The following CFAP100 variants were observed in gnomAD, a reference collection of about 807,000 sequenced individuals.
CFAP100 encodes the protein cilia and flagella associated protein 100, also known as cilia- and flagella-associated protein 100.
A neutral mutation model predicts 81.5 loss-of-function variants in CFAP100; 70 were observed. The observed-to-expected ratio is 0.86, with a 90% CI of 0.71 to 1.05. The LOEUF (loss-of-function observed/expected upper bound fraction) is 1.05. Ranked by LOEUF, CFAP100 falls within the 50% of genes least tolerant of loss-of-function variation. The pLI, the probability that CFAP100 is intolerant of heterozygous loss-of-function variation, is 0.00. For missense variants in CFAP100, 811 were observed against 776.5 expected (o/e 1.04, Z -0.53); for synonymous variants, 341 against 314.8 (o/e 1.08, Z -0.88).
chr3:126,411,042 TCTCA>T (rs2083145147), intron 3 of CFAP100, among the ~76,000 whole-genome samples: 1 of 152,262 alleles, frequency 6.6e-6, no homozygotes, highest in Non-Finnish European at 1.5e-5. Flanking sequence ...GGCTCAAGCC[TCTCA>T]CTCTGTCTTC....
At chr3:126,395,142 A>G (rs2082867664) in intron 1 of CFAP100, among the ~76,000 whole-genome samples, 164 bp downstream of exon 1, 1 of 152,074 alleles carries the variant, frequency 6.6e-6, no homozygotes, top group Non-Finnish European at 1.5e-5. Context: ...CTTGCTTGAA[A>G]CACACCCATC....
At chr3:126,400,091 T>C (rs75039995) in intron 2 of CFAP100, among the ~76,000 whole-genome samples, 11,415 of 152,270 alleles carry the variant, frequency 0.075, 488 homozygotes, top group South Asian at 0.097. Flanking sequence ...TAGACTTTTA[T>C]CTGACATTAG....
intron 5 of CFAP100, chr3:126,416,770 A>C (rs1485103964): frequency 2.6e-6 from 1 of 382,724 alleles, no homozygotes; most frequent in Non-Finnish European, 4.6e-6. Flanking sequence ...CCTTGGCTTC[A>C]GTTGCCGGAG....
intron 3 of CFAP100, among the ~76,000 whole-genome samples, chr3:126,410,490 C>T (rs938744041): frequency 6.6e-6 from 1 of 152,144 alleles, no homozygotes; most frequent in African/African-American, 2.4e-5. Flanking sequence ...GATCCTTATA[C>T]CTTTTCTGCC....
At chr3:126,436,142 G>T in intron 16 of CFAP100, 149 bp from the exon 17 acceptor site, 1 of 607,086 alleles carries the variant, frequency 1.6e-6, no homozygotes. Context: ...AGTTATTTCA[G>T]AGTTAACTCC....
intron 11 of CFAP100, 41 bp from the exon 12 acceptor site, chr3:126,423,284 C>G: frequency 6.3e-7 from 1 of 1,578,870 alleles, no homozygotes; most frequent in Non-Finnish European, 8.6e-7. Context: ...CCTGTCTGCT[C>G]AGGCTGGTCC....
At chr3:126,406,187 C>T (rs2083060468) in intron 2 of CFAP100, among the ~76,000 whole-genome samples, 1 of 152,158 alleles carries the variant, frequency 6.6e-6, no homozygotes, top group Admixed American at 6.5e-5. Context: ...CTGTGTGGCC[C>T]CGAAGGCCTC....
At chr3:126,411,049 C>T (rs2083145271) in intron 3 of CFAP100, among the ~76,000 whole-genome samples, 1 of 152,246 alleles carries the variant, frequency 6.6e-6, no homozygotes, top group Non-Finnish European at 1.5e-5. Context: ...GCCTCTCACT[C>T]TGTCTTCGAA....
At position 126,433,195 on chromosome 3, in the gene CFAP100, C is replaced by T. The variant is rs201544488; in HGVS notation, c.1413C>T (p.Gly471=). The change falls in exon 14 of 17, where the codon GGC becomes GGT. Residue 471 remains glycine, a synonymous_variant. Transcript: ENST00000352312. ...ARVFHFGEYK[G]DQQDKLLESL... ...TCTTCCACTTCGGCGAGTACAAGGG[C>T]GATCAGCAGGTAGGCTGGGGATCAA... The T allele has an allele frequency of 9.3e-6, 15 of 1,613,988 alleles. No homozygotes were observed. The highest frequency in any genetic ancestry group is 4.5e-5 in the East Asian group (2 of 44,874).
At chr3:126,435,705 T>A (rs1204902287) in intron 16 of CFAP100, 53 bp downstream of exon 16, 2 of 1,449,542 alleles carry the variant, frequency 1.4e-6, no homozygotes, top group Non-Finnish European at 1.9e-6. Flanking sequence ...CAAGACAGCA[T>A]GGCAGCTGAG....
intron 15 of CFAP100, 48 bp downstream of exon 15, chr3:126,434,429 G>T (rs1933364430): frequency 1.9e-6 from 3 of 1,564,940 alleles, no homozygotes; most frequent in Non-Finnish European, 2.6e-6. Context: ...GGCTGGCCCT[G>T]AGGGCAGAGG....
intron 4 of CFAP100, chr3:126,414,467 C>T: frequency 1.6e-6 from 1 of 614,132 alleles, no homozygotes; most frequent in Non-Finnish European, 2.9e-6. Context: ...GCCGCCACTT[C>T]CACTGCTGCC....
intron 13 of CFAP100, among the ~76,000 whole-genome samples, chr3:126,423,857 G>A (rs114672366): frequency 0.034 from 5,145 of 152,308 alleles, 98 homozygotes; most frequent in Middle Eastern, 0.048. Context: ...CCAGGCACCC[G>A]TGCCCACCCT....
rs759016967 is a variant in CFAP100, at chr3:126,395,966, G to A, written c.-35G>A. 6.3e-7 allele frequency: 1 copy of A among 1,585,052 alleles called. No homozygotes were observed. The highest frequency in any genetic ancestry group is 2.2e-5 in the East Asian group (1 of 44,732). ...GGTGAGGATCTCCTTTAGAAGAGGA[G>A]AAGCCTTGCATCAACCTCTTGGGCC... On this transcript the variant is annotated 5_prime_UTR_variant, in exon 2 of 17. Transcript: ENST00000352312.
chr3:126,426,317 G>C (rs1016311517), intron 13 of CFAP100, among the ~76,000 whole-genome samples: 1 of 152,086 alleles, frequency 6.6e-6, no homozygotes, highest in African/African-American at 2.4e-5. Context: ...AAAAAACTTA[G>C]CTAGGCATGG....
chr3:126,405,301 G>A (rs1432944880), intron 2 of CFAP100, among the ~76,000 whole-genome samples: 1 of 152,198 alleles, frequency 6.6e-6, no homozygotes, highest in Non-Finnish European at 1.5e-5. Context: ...GTGTAAGCAG[G>A]TGAGCTTTTT....
At chr3:126,421,165 G>A (rs956810273) in intron 11 of CFAP100, among the ~76,000 whole-genome samples, 1 of 152,078 alleles carries the variant, frequency 6.6e-6, no homozygotes, top group African/African-American at 2.4e-5. Flanking sequence ...ACCACACCCG[G>A]CTAATTTTTT....
intron 2 of CFAP100, among the ~76,000 whole-genome samples, chr3:126,398,799 C>T (rs1311164259): frequency 6.6e-6 from 1 of 152,246 alleles, no homozygotes; most frequent in Admixed American, 6.5e-5. Context: ...CCCACAGTCA[C>T]TTCACTAATG....
At chr3:126,414,443 G>A in intron 4 of CFAP100, 1 of 618,814 alleles carries the variant, frequency 1.6e-6, no homozygotes, top group South Asian at 1.9e-5. Context: ...TGTGGCAACA[G>A]CCTCAGCCAC....
Sources: gnomAD v4.1 joint callset for allele counts (sites outside exome capture counted in the v4.1 genomes callset) on GRCh38, gnomAD v4.1.1 for gene constraint, MANE v1.5 for transcripts, NCBI Gene and HGNC (gene_info 2026-07-23, HGNC 2026-07-21) for gene names.